MAGI1: variants seen among roughly 807,000 people sequenced by gnomAD.
The protein encoded by MAGI1 is membrane-associated guanylate kinase, WW and PDZ domain-containing protein 1.
A neutral mutation model predicts 139.9 loss-of-function variants in MAGI1; 58 were observed. The observed-to-expected ratio is 0.41, with a 90% CI of 0.34 to 0.52. The LOEUF (loss-of-function observed/expected upper bound fraction) is 0.52, where lower values mean the gene tolerates loss of function less well. Among genes scored for constraint, MAGI1 ranks in the 20% least tolerant of loss-of-function variants. The pLI, the probability that MAGI1 is intolerant of heterozygous loss-of-function variation, is 0.12. For synonymous variants in MAGI1, 812 were observed against 737.9 expected (o/e 1.10, Z -1.63); for missense variants, 1,874 against 1,901.6 (o/e 0.99, Z 0.27).
At chr3:66,023,910 A>T (rs2068092736) in intron 1 of MAGI1, among the ~76,000 whole-genome samples, 2 of 152,126 alleles carry the variant, frequency 1.3e-5, no homozygotes, top group South Asian at 4.1e-4. Context: ...GGGACAAAAT[A>T]TTCCAAGAAT....
chr3:65,925,945 T>C (rs2106657241), intron 1 of MAGI1, among the ~76,000 whole-genome samples: 1 of 152,350 alleles, frequency 6.6e-6, no homozygotes, highest in Admixed American at 6.5e-5. Context: ...CCCAAAGTGC[T>C]AGGATTACAG....
At chr3:65,933,806 A>G (rs935407165) in intron 1 of MAGI1, among the ~76,000 whole-genome samples, 1 of 152,202 alleles carries the variant, frequency 6.6e-6, no homozygotes, top group Non-Finnish European at 1.5e-5. Flanking sequence ...ATGTATGCAC[A>G]GCAGCAAATA....
chr3:65,517,546 A>G (rs1917531), intron 2 of MAGI1, among the ~76,000 whole-genome samples: 128,029 of 152,198 alleles, frequency 0.84, 54,028 homozygotes, highest in East Asian at 0.97. Context: ...AACTGAAGAA[A>G]GTGGGAGGTC....
chr3:65,592,698 T>C (rs1227548296), intron 2 of MAGI1, among the ~76,000 whole-genome samples: 4 of 152,176 alleles, frequency 2.6e-5, no homozygotes, highest in African/African-American at 9.6e-5. Context: ...CAGTTACTTT[T>C]GGAGAGTTGG....
chr3:65,719,392 A>C (rs1271053943), intron 1 of MAGI1, among the ~76,000 whole-genome samples: 1 of 151,720 alleles, frequency 6.6e-6, no homozygotes, highest in Non-Finnish European at 1.5e-5. Flanking sequence ...ATATATTTTA[A>C]ATTAAAAATA....
intron 1 of MAGI1, among the ~76,000 whole-genome samples, chr3:65,972,085 G>C (rs1373171147): frequency 6.6e-6 from 1 of 152,178 alleles, no homozygotes; most frequent in African/African-American, 2.4e-5. Flanking sequence ...CCTTCCTCCA[G>C]CCTGGCAGCC....
intron 2 of MAGI1, among the ~76,000 whole-genome samples, chr3:65,570,854 C>A (rs1377524881): frequency 6.6e-6 from 1 of 152,194 alleles, no homozygotes; most frequent in Admixed American, 6.5e-5. Flanking sequence ...TTCAGGCTGC[C>A]TGGTTGTTTG....
intron 1 of MAGI1, among the ~76,000 whole-genome samples, chr3:65,768,330 G>A (rs555696427): frequency 8.5e-5 from 13 of 152,152 alleles, no homozygotes; most frequent in Non-Finnish European, 1.8e-4. Flanking sequence ...TGAGGCAGGA[G>A]AATTACTTGA....
rs144800395 is a variant in MAGI1 at position 65,379,265 on chromosome 3, G to A, written c.2991C>T (p.Thr997=). The A allele has an allele frequency of 4.3e-5, 70 of 1,611,736 alleles. No individual in the cohort carries two copies. The highest frequency in any genetic ancestry group is 3.5e-4 in the Admixed American group (21 of 59,824). ...SSVSRPEAGT[T]FGNACVAMPH... is the part of the protein sequence containing the mutation. ...AATTTCACGTTCAGCACTCACCAAAGGTCGTGCCTGCTTCGGGCCTGCTCA... is the reference window on the plus strand; with the variant it reads ...AATTTCACGTTCAGCACTCACCAAAAGTCGTGCCTGCTTCGGGCCTGCTCA... The change falls in exon 17 of 23, where the codon ACC becomes ACT. Residue 997 remains threonine (T), a synonymous_variant. Coordinates refer to ENST00000402939, the MANE Select transcript of MAGI1 (RefSeq NM_001033057.2).
intron 1 of MAGI1, among the ~76,000 whole-genome samples, chr3:66,025,119 A>G (rs1228814783): frequency 2.0e-5 from 3 of 152,256 alleles, no homozygotes; most frequent in Non-Finnish European, 4.4e-5. Flanking sequence ...TATGTTATAT[A>G]AAAGAGAACT....
At chr3:65,781,895 A>AC (rs61201910) in intron 1 of MAGI1, among the ~76,000 whole-genome samples, 1 of 45,446 alleles carries the variant, frequency 2.2e-5, no homozygotes, top group Non-Finnish European at 6.9e-5. Context: ...TGACTGGGGA[A>AC]CCCCCCCTCA....
At chr3:65,502,015 C>T (rs1308733539) in intron 2 of MAGI1, among the ~76,000 whole-genome samples, 2 of 152,172 alleles carry the variant, frequency 1.3e-5, no homozygotes, top group African/African-American at 4.8e-5. Flanking sequence ...GCAGTGGTTA[C>T]CAGCTATGTA....
At chr3:65,882,609 T>G (rs2060374457) in intron 1 of MAGI1, among the ~76,000 whole-genome samples, 1 of 151,742 alleles carries the variant, frequency 6.6e-6, no homozygotes, top group Non-Finnish European at 1.5e-5. Flanking sequence ...AAGAAGAGAA[T>G]AAATCAGAAA....
intron 1 of MAGI1, among the ~76,000 whole-genome samples, chr3:65,759,175 T>A (rs1477842062): frequency 6.6e-6 from 1 of 150,508 alleles, no homozygotes; most frequent in Non-Finnish European, 1.5e-5. Flanking sequence ...AGGAATCGGA[T>A]CAAGTCCCTA....
chr3:65,843,513 G>A lies in MAGI1; in HGVS notation c.313+194483C>T, dbSNP rs1418327657. 5.9e-5 allele frequency among the ~76,000 whole-genome samples: 9 copies of A among 152,112 alleles called. No homozygotes were observed. The South Asian group carries it at 6.2e-4, about 11-fold the overall frequency. ...AACTTGTGGAGTAAAGTAAATAAAC[G>A]TCAGTTTGTTACATAGCACTAGATA... On this transcript the variant is annotated intron_variant, in intron 1 of 22. Coordinates refer to ENST00000402939, the MANE Select transcript of MAGI1 (RefSeq NM_001033057.2).
intron 2 of MAGI1, among the ~76,000 whole-genome samples, chr3:65,507,976 G>A (rs1054633534): frequency 2.6e-5 from 4 of 152,036 alleles, no homozygotes; most frequent in Non-Finnish European, 5.9e-5. Flanking sequence ...CAGACAGTGA[G>A]GAACAGAAGC....
intron 1 of MAGI1, among the ~76,000 whole-genome samples, chr3:65,744,697 G>GTT (rs35909521): frequency 5.3e-5 from 8 of 151,342 alleles, no homozygotes; most frequent in African/African-American, 1.2e-4. Context: ...TTTGTTTTCT[G>GTT]TTTTTTTTAA....
At chr3:65,560,913 C>A (rs1454426323) in intron 2 of MAGI1, among the ~76,000 whole-genome samples, 1 of 152,198 alleles carries the variant, frequency 6.6e-6, no homozygotes, top group Non-Finnish European at 1.5e-5. Context: ...ATTTTTGCAT[C>A]AGCACAAACG....
intron 15 of MAGI1, among the ~76,000 whole-genome samples, chr3:65,382,527 C>T (rs1009734529): frequency 1.3e-5 from 2 of 152,166 alleles, no homozygotes; most frequent in African/African-American, 4.8e-5. Context: ...TTGGACATCT[C>T]CATTTTTGAA....
Sources: allele counts gnomAD v4.1 joint callset (sites outside exome capture counted in the v4.1 genomes callset), GRCh38; gene constraint gnomAD v4.1.1; transcripts MANE v1.5; gene names NCBI Gene and HGNC (gene_info 2026-07-23, HGNC 2026-07-21).